The following TGFB2 variants were observed in gnomAD, a reference collection of about 807,000 sequenced individuals.
TGFB2 encodes the protein transforming growth factor beta 2.
In TGFB2, 13 loss-of-function variants were observed where a neutral mutation model predicts 42.7. The ratio of observed to expected loss-of-function variants is 0.30; its 90% CI spans 0.20 to 0.48. TGFB2 has a LOEUF of 0.48. Among genes scored for constraint, TGFB2 ranks in the 20% least tolerant of loss-of-function variants. The probability of loss-of-function intolerance (pLI) is 0.99; values close to 1 mark genes in which losing one functional copy is unlikely to be tolerated. For synonymous variants in TGFB2, 193 were observed against 193.6 expected, an observed-to-expected ratio of 1.00 and a Z score of 0.03; for missense variants, 390 against 517.5, an observed-to-expected ratio of 0.75 and a Z score of 2.39.
At chr1:218,406,192 T>TAC (rs35504165) in intron 2 of TGFB2, among the ~76,000 whole-genome samples, 37,568 of 148,892 alleles carry the variant, frequency 0.25, 5,192 homozygotes, top group East Asian at 0.48. Context: ...ACCCACTCAA[T>TAC]ACACACACAC....
At chr1:218,421,190 G>A (rs186625140) in intron 2 of TGFB2, among the ~76,000 whole-genome samples, 14 of 152,054 alleles carry the variant, frequency 9.2e-5, no homozygotes, top group Middle Eastern at 3.4e-3. Flanking sequence ...AAGCTCCACT[G>A]GCTATTATTT....
At chr1:218,350,306 C>T (rs1254950756) in intron 1 of TGFB2, among the ~76,000 whole-genome samples, 2 of 152,150 alleles carry the variant, frequency 1.3e-5, no homozygotes, top group Non-Finnish European at 2.9e-5. Context: ...CCCCCAACAC[C>T]CGCACCCCTA....
At chr1:218,389,335 C>T (rs1189825127) in intron 1 of TGFB2, among the ~76,000 whole-genome samples, 1 of 152,154 alleles carries the variant, frequency 6.6e-6, no homozygotes, top group Non-Finnish European at 1.5e-5. Context: ...GGAGCTAGGA[C>T]ACAGGAGTGG....
rs190924753 is a variant in TGFB2 at position 218,416,926 on chromosome 1, C to T, written c.510+11594C>T. 4.3e-3 allele frequency among the ~76,000 whole-genome samples: 659 copies of T among 152,280 alleles called. 4 individuals are homozygous for T. The highest frequency in any genetic ancestry group is 6.8e-3 in the Non-Finnish European group (461 of 68,014). ...CTTGTCTGCCACCATGTGAGATGTG[C>T]CTTTCACCTTCTGCCATGACTGTGA... On this transcript the variant is annotated intron_variant, in intron 2 of 6. Coordinates refer to ENST00000366930, the MANE Select transcript of TGFB2 (RefSeq NM_003238.6).
In TGFB2 at chr1:218,441,427, CG is replaced by C; in HGVS notation, c.*66del. ...ATGATAATGATGATGACGACGACAACGATGATGCTTGTAACAAGAAAACATA... is the reference window on the plus strand; with the variant it reads ...ATGATAATGATGATGACGACGACAACATGATGCTTGTAACAAGAAAACATA... On this transcript the variant is annotated 3_prime_UTR_variant, in exon 7 of 7. Coordinates refer to ENST00000366930, the MANE Select transcript of TGFB2 (RefSeq NM_003238.6). The C allele has an allele frequency of 6.7e-7, 1 of 1,501,316 alleles. No homozygotes were observed. Among genetic ancestry groups the C allele is most frequent in the Non-Finnish European group, 8.9e-7 (1 of 1,120,824 alleles). The allele number at this position is 1,501,316 out of a possible 1,614,324, so 93.0% of individuals were successfully genotyped here.
chr1:218,369,825 A>G (rs969648000), intron 1 of TGFB2, among the ~76,000 whole-genome samples: 4 of 152,258 alleles, frequency 2.6e-5, no homozygotes, highest in East Asian at 1.9e-4. Context: ...TCTGCATGCA[A>G]TAGAAGGGCT....
At chr1:218,416,734 T>C (rs975722377) in intron 2 of TGFB2, among the ~76,000 whole-genome samples, 14 of 152,156 alleles carry the variant, frequency 9.2e-5, no homozygotes, top group African/African-American at 3.1e-4. Flanking sequence ...GTGTCTCCAC[T>C]CAATCTCATC....
At chr1:218,393,798 C>T (rs2102581413) in intron 1 of TGFB2, among the ~76,000 whole-genome samples, 1 of 152,244 alleles carries the variant, frequency 6.6e-6, no homozygotes, top group Non-Finnish European at 1.5e-5. Flanking sequence ...CCCGATGAGG[C>T]CATTGGGAAG....
intron 2 of TGFB2, among the ~76,000 whole-genome samples, chr1:218,414,383 A>C (rs1436683193): frequency 6.6e-6 from 1 of 152,148 alleles, no homozygotes; most frequent in African/African-American, 2.4e-5. Flanking sequence ...AACAAACAAA[A>C]AGTCATACTG....
chr1:218,441,418 C>A lies in TGFB2; in HGVS notation c.*56C>A, dbSNP rs1372866415. On this transcript the variant is annotated 3_prime_UTR_variant, in exon 7 of 7. Transcript: ENST00000366930. The stretch of plus-strand genomic sequence containing the variant: ...ACAATGATGATGATAATGATGATGA[C>A]GACGACAACGATGATGCTTGTAACA... 3 of 1,520,610 alleles carry A rather than the reference C, an allele frequency of 2.0e-6. No homozygotes were observed. The highest frequency in any genetic ancestry group is 4.6e-5 in the East Asian group (2 of 43,892). 94.2% of individuals were successfully genotyped at this position (1,520,610 alleles called of 1,614,324 possible). A position where few individuals can be genotyped will look rare whatever the true frequency, so the allele number is the denominator to read the frequency against.
intron 2 of TGFB2, among the ~76,000 whole-genome samples, chr1:218,416,077 C>T (rs1659269322): frequency 6.6e-6 from 1 of 152,052 alleles, no homozygotes; most frequent in Non-Finnish European, 1.5e-5. Flanking sequence ...TGTTTTATCA[C>T]TGTGTACATT....
At chr1:218,395,974 A>G (rs549112242) in intron 1 of TGFB2, among the ~76,000 whole-genome samples, 1 of 152,282 alleles carries the variant, frequency 6.6e-6, no homozygotes, top group South Asian at 2.1e-4. Context: ...TGAAGTTAGT[A>G]AAGGTATTAT....
chr1:218,403,356 A>G (rs1411583969), intron 1 of TGFB2, among the ~76,000 whole-genome samples: 2 of 152,176 alleles, frequency 1.3e-5, no homozygotes, highest in African/African-American at 2.4e-5. Context: ...AGTCACACAT[A>G]TATAGGGGAA....
intron 1 of TGFB2, among the ~76,000 whole-genome samples, chr1:218,362,381 A>G (rs1397117776): frequency 6.6e-6 from 1 of 152,218 alleles, no homozygotes. Context: ...CACACAAGTT[A>G]GACAACTGCT....
chr1:218,421,568 T>C (rs1659456739), intron 2 of TGFB2, among the ~76,000 whole-genome samples: 1 of 152,158 alleles, frequency 6.6e-6, no homozygotes, highest in South Asian at 2.1e-4. Flanking sequence ...AAGGAGCTCA[T>C]AGTTAGATTG....
At chr1:218,355,374 A>T (rs1656999899) in intron 1 of TGFB2, among the ~76,000 whole-genome samples, 1 of 152,222 alleles carries the variant, frequency 6.6e-6, no homozygotes, top group Non-Finnish European at 1.5e-5. Flanking sequence ...AGAATAAATA[A>T]AAGGGAATTG....
intron 2 of TGFB2, among the ~76,000 whole-genome samples, chr1:218,431,088 A>T (rs529811300): frequency 6.6e-6 from 1 of 152,328 alleles, no homozygotes; most frequent in South Asian, 2.1e-4. Flanking sequence ...AATCCACCAG[A>T]CAAAAGTCGC....
intron 1 of TGFB2, among the ~76,000 whole-genome samples, chr1:218,381,986 A>G (rs577800732): frequency 4.6e-5 from 7 of 152,306 alleles, no homozygotes; most frequent in Admixed American, 1.3e-4. Flanking sequence ...TCATCTCTCC[A>G]TCTGATGAAT....
intron 5 of TGFB2, among the ~76,000 whole-genome samples, chr1:218,436,640 C>T (rs941627041): frequency 6.6e-6 from 1 of 152,156 alleles, no homozygotes; most frequent in Non-Finnish European, 1.5e-5. Context: ...AATTTATTTC[C>T]CATTCCCACA....
Sources: gnomAD v4.1 joint callset for allele counts (sites outside exome capture counted in the v4.1 genomes callset) on GRCh38, gnomAD v4.1.1 for gene constraint, MANE v1.5 for transcripts, NCBI Gene and HGNC (gene_info 2026-07-23, HGNC 2026-07-21) for gene names.